BCOR: variants seen among roughly 807,000 people sequenced by gnomAD.
BCOR encodes the protein BCL6 corepressor.
A neutral mutation model predicts 86.7 loss-of-function variants in BCOR; 10 were observed. That is an observed-to-expected ratio of 0.12 (90% confidence interval 0.07 to 0.20). The LOEUF (loss-of-function observed/expected upper bound fraction) is 0.20, where lower values mean the gene tolerates loss of function less well. BCOR is among the 10% of genes least tolerant of loss of function. The pLI, the probability that BCOR is intolerant of heterozygous loss-of-function variation, is 1.00. For synonymous variants in BCOR, 611 were observed against 609.0 expected (o/e 1.00, Z -0.05); for missense variants, 1,259 against 1,452.1 (o/e 0.87, Z 2.16).
At chrX:40,119,935 C>T (rs189728579) in intron 1 of BCOR, among the ~76,000 whole-genome samples, 1 of 109,473 alleles carries the variant, frequency 9.1e-6, no homozygotes, top group East Asian at 2.9e-4. Context: ...TTGCTCTGAG[C>T]CAAGTTGGGG....
Position 40,080,974 on chromosome X carries a change from C to T in BCOR, c.-40-3005G>A, listed in dbSNP as rs185632915. Among the ~76,000 whole-genome samples, 7 of 34,426 alleles carry T rather than the reference C, an allele frequency of 2.0e-4. No individual in the cohort carries two copies. The South Asian group carries it at 0.013, about 65-fold the overall frequency. 29.9% of individuals were successfully genotyped at this position (34,426 alleles called of 115,157 possible). A position where few individuals can be genotyped will look rare whatever the true frequency, so the allele number is the denominator to read the frequency against. ...GCACACACGTGCACGCACGCACACG[C>T]GCACACACACACGCGCACACACACA... On this transcript the variant is annotated intron_variant, in intron 1 of 14. Transcript: ENST00000378444.
chrX:40,066,776 G>A (rs1244856580), intron 6 of BCOR, among the ~76,000 whole-genome samples: 2 of 111,054 alleles, frequency 1.8e-5, no homozygotes, highest in Non-Finnish European at 1.9e-5. Flanking sequence ...TTAGGTAGGA[G>A]AGAGGGTTTG....
intron 10 of BCOR, among the ~76,000 whole-genome samples, chrX:40,057,759 A>C (rs1199608906): frequency 1.8e-5 from 2 of 112,368 alleles, no homozygotes; most frequent in Non-Finnish European, 3.8e-5. Flanking sequence ...GATTCATCCA[A>C]TAGGTAGTAG....
chrX:40,064,490 G>A lies in BCOR; in HGVS notation c.3348C>T (p.Pro1116=), dbSNP rs756729524. The change falls in exon 7 of 15, where the codon CCC becomes CCT. Residue 1116 remains proline, a synonymous_variant. Coordinates refer to ENST00000378444, the MANE Select transcript of BCOR (RefSeq NM_001123385.2). ...GCATGTCCGAGGCCACCTGGTCTGC[G>A]GGAGGCTCGCTCACAGGCTGCCTCT... ...FVERQPVSEP[P]ADQVASDMPH... 5.9e-5 allele frequency: 72 copies of A among 1,211,047 alleles called. No homozygotes were observed. Among genetic ancestry groups the A allele is most frequent in the Non-Finnish European group, 6.5e-5 (58 of 895,438 alleles).
intron 1 of BCOR, among the ~76,000 whole-genome samples, chrX:40,163,699 T>C (rs1292171615): frequency 9.3e-6 from 1 of 107,419 alleles, no homozygotes; most frequent in Non-Finnish European, 1.9e-5. Flanking sequence ...TCGCAACCAA[T>C]GAATATAGAC....
At chrX:40,077,473 C>T in intron 2 of BCOR, 1 of 194,794 alleles carries the variant, frequency 5.1e-6, no homozygotes, top group South Asian at 8.8e-5. Context: ...CGGTGGCTCT[C>T]TCCCCATTTA....
In BCOR at chrX:40,073,700, C is replaced by T. The variant is rs2147237896; in HGVS notation, c.1646G>A (p.Gly549Asp). Residue 549 changes from glycine (G) to aspartate (D), a missense_variant, in exon 4 of 15, where the codon GGC becomes GAC. This residue lies in a region of BCOR where 534 missense variants were observed against 594.8 expected (regional missense o/e 0.90). Coordinates refer to ENST00000378444, the MANE Select transcript of BCOR (RefSeq NM_001123385.2). ...AACGTTAGTGATGACAGCATCGGTG[C>T]CGCCCATGCGCGGGCATGATGAACT... ...QRSSSCPRMG[G>D]TDAVITNVSG... 1 of 1,212,583 alleles carries T rather than the reference C, an allele frequency of 8.2e-7. No homozygotes were observed. Among genetic ancestry groups the T allele is most frequent in the Non-Finnish European group, 1.1e-6 (1 of 895,670 alleles).
chrX:40,155,022 G>T lies in BCOR; in HGVS notation c.-41+21985C>A, dbSNP rs897484771. Among the ~76,000 whole-genome samples the T allele has an allele frequency of 2.7e-5, 3 of 110,835 alleles. No homozygotes were observed. The Admixed American group carries it at 2.8e-4, about 10-fold the overall frequency. On this transcript the variant is annotated intron_variant, in intron 1 of 14. Transcript: ENST00000342274. ...CTCCGCCTGCCCGAGCGCCCGCCGC[G>T]GCCCGCAGTGCGCCCGGGGCTGGGG...
intron 6 of BCOR, among the ~76,000 whole-genome samples, chrX:40,065,221 G>C (rs1935140918): frequency 8.9e-6 from 1 of 112,296 alleles, no homozygotes; most frequent in Admixed American, 9.3e-5. Flanking sequence ...GGGAGGCAGG[G>C]AACCCAGGCA....
chrX:40,127,997 C>A (rs1937564419), intron 1 of BCOR, among the ~76,000 whole-genome samples: 1 of 110,860 alleles, frequency 9.0e-6, no homozygotes, highest in African/African-American at 3.3e-5. Context: ...GAGGCCGAGG[C>A]GGACAGATCA....
intron 1 of BCOR, among the ~76,000 whole-genome samples, chrX:40,094,857 G>A (rs1910407968): frequency 8.8e-6 from 1 of 113,360 alleles, no homozygotes; most frequent in South Asian, 3.5e-4. Flanking sequence ...GGAGGCGGAG[G>A]CCAGGACGGC....
chrX:40,159,284 A>G (rs1938363419), intron 1 of BCOR, among the ~76,000 whole-genome samples: 1 of 112,813 alleles, frequency 8.9e-6, no homozygotes, highest in Admixed American at 9.3e-5. Flanking sequence ...TTCCCACCAA[A>G]ACACAATACC....
intron 1 of BCOR, among the ~76,000 whole-genome samples, chrX:40,153,375 G>T (rs1938212111): frequency 8.9e-6 from 1 of 112,327 alleles, no homozygotes; most frequent in African/African-American, 3.2e-5. Flanking sequence ...TTTGATGACC[G>T]CTTGGCGGAT....
intron 1 of BCOR, among the ~76,000 whole-genome samples, chrX:40,121,413 C>T (rs1362350109): frequency 1.8e-5 from 2 of 112,840 alleles, no homozygotes; most frequent in Non-Finnish European, 3.7e-5. Flanking sequence ...TCTCAAACCA[C>T]CCTGCCCTTC....
Position 40,123,795 on chromosome X carries a change from T to TTGTGTGTG in BCOR, c.-40-45834_-40-45827dup, listed in dbSNP as rs59910543. 2.1e-4 allele frequency among the ~76,000 whole-genome samples: 22 copies of TTGTGTGTG among 104,013 alleles called. 1 individual carries two copies. Among genetic ancestry groups the TTGTGTGTG allele is most frequent in the Middle Eastern group, 9.7e-3 (2 of 206 alleles). The allele number at this position is 104,013 out of a possible 115,157, so 90.3% of individuals were successfully genotyped here. On this transcript the variant is annotated intron_variant, in intron 1 of 14. Coordinates refer to the BCOR transcript ENST00000342274. ...GCTAGGGGAAGAGAAGGTTTCCTGGTTGTGTGTGTGTGTGTGTGTGTGTGT... is the reference window on the plus strand; with the variant it reads ...GCTAGGGGAAGAGAAGGTTTCCTGGTTGTGTGTGTGTGTGTGTGTGTGTGTGTGTGTGT...
chrX:40,100,981 A>G (rs1450987517), upstream of BCOR, among the ~76,000 whole-genome samples: 1 of 109,397 alleles, frequency 9.1e-6, no homozygotes, highest in Non-Finnish European at 1.9e-5. Context: ...GATTTCAAAA[A>G]TATCTTATTA....
chrX:40,073,384 G>T lies in BCOR; in HGVS notation c.1962C>A (p.Pro654=), dbSNP rs757465406. 58 of 1,211,245 alleles carry T rather than the reference G, an allele frequency of 4.8e-5. No homozygotes were observed. In the South Asian group the frequency reaches 5.6e-4, roughly 12 times the overall value. ...GGGCTGGGTAAGGGAGGTAACTCCT[G>T]GGGTAGGGAATTGGTGGGGACCTGA... The part of the protein sequence containing the change: ...EAFRSPPIPY[P]RSYLPYPAPE... Residue 654 remains proline, a synonymous_variant, in exon 4 of 15, where the codon CCC becomes CCA. Coordinates refer to ENST00000378444, the MANE Select transcript of BCOR (RefSeq NM_001123385.2).
At chrX:40,109,087 G>A (rs1464210115) in intron 1 of BCOR, among the ~76,000 whole-genome samples, 1 of 112,818 alleles carries the variant, frequency 8.9e-6, no homozygotes, top group African/African-American at 3.2e-5. Context: ...GCTGGGCTGG[G>A]AGGGCGGCGG....
At chrX:40,147,943 G>A (rs1424639842) in intron 1 of BCOR, among the ~76,000 whole-genome samples, 1 of 111,908 alleles carries the variant, frequency 8.9e-6, no homozygotes, top group Non-Finnish European at 1.9e-5. Flanking sequence ...GGCCCCTCTG[G>A]TTTCCGCCCC....
Sources: allele counts gnomAD v4.1 joint callset (sites outside exome capture counted in the v4.1 genomes callset), GRCh38; gene constraint gnomAD v4.1.1; regional missense constraint gnomAD v4.1.1; transcripts MANE v1.5; gene names NCBI Gene and HGNC (gene_info 2026-07-23, HGNC 2026-07-21).